Variants in ZNF398 observed in about 807,000 individuals in gnomAD.
The protein encoded by ZNF398 is zinc finger protein 398.
ZNF398 carries 18 observed loss-of-function variants against 41.9 expected under a neutral mutation model. The ratio of observed to expected loss-of-function variants is 0.43; its 90% CI spans 0.30 to 0.64. The LOEUF (loss-of-function observed/expected upper bound fraction) is 0.64, where lower values mean the gene tolerates loss of function less well. Among genes scored for constraint, ZNF398 ranks in the 30% least tolerant of loss-of-function variants. ZNF398 has a pLI of 0.14. For synonymous variants in ZNF398, 260 were observed against 308.8 expected (o/e 0.84, Z 1.66); for missense variants, 669 against 822.8 (o/e 0.81, Z 2.29).
chr7:149,143,709 G>C (rs934487578), upstream of ZNF398, among the ~76,000 whole-genome samples: 1 of 152,140 alleles, frequency 6.6e-6, no homozygotes, highest in African/African-American at 2.4e-5. Context: ...CTACTTGGGA[G>C]GCTGAGGCAG....
In ZNF398 at chr7:149,147,811, A is replaced by C; in HGVS notation, c.24+45A>C. ...AGTGTTGTGAGCCCCCGAGACCCAGACCCCGAGGGAGGAAGGCGGGCGGGC... is the reference window on the plus strand; with the variant it reads ...AGTGTTGTGAGCCCCCGAGACCCAGCCCCCGAGGGAGGAAGGCGGGCGGGC... On this transcript the variant is annotated intron_variant, in intron 1 of 5. Transcript: ENST00000475153. The surrounding 1 kb of genome is among the most constrained non-coding windows in gnomAD (Gnocchi z 5.6). 1 of 1,347,440 alleles carries C rather than the reference A, an allele frequency of 7.4e-7. No homozygotes were observed. The highest frequency in any genetic ancestry group is 9.5e-7 in the Non-Finnish European group (1 of 1,048,274). 83.5% of individuals were successfully genotyped at this position (1,347,440 alleles called of 1,614,324 possible).
chr7:149,151,190 C>T (rs772707178), intron 1 of ZNF398: 42 of 1,173,538 alleles, frequency 3.6e-5, no homozygotes, highest in Non-Finnish European at 3.9e-5. Context: ...AGCAGTTTAC[C>T]TGGTGATTTC....
At chr7:149,161,460 G>A (rs956717216) in intron 2 of ZNF398, among the ~76,000 whole-genome samples, 4 of 152,308 alleles carry the variant, frequency 2.6e-5, no homozygotes, top group African/African-American at 9.6e-5. Flanking sequence ...AGCTACTCAG[G>A]AAGCTGAAAT....
chr7:149,179,423 T>G lies in ZNF398; in HGVS notation c.1551T>G (p.Ser517Arg), dbSNP rs1167962575. ...GERPYPCTDC[S>R]KSFMRKEHLL... The stretch of plus-strand genomic sequence containing the variant: ...GTCCTTACCCCTGCACTGACTGCAG[T>G]AAGAGCTTCATGCGCAAGGAGCACC... The change falls in exon 6 of 6, where the codon AGT (serine) becomes AGG (arginine). Residue 517 changes from serine (S) to arginine (R), a missense_variant. Transcript: ENST00000475153. This position sits in a 1 kb window ranked among gnomAD's most constrained non-coding sequence, Gnocchi z 6.1. 12 of 1,613,810 alleles carry G rather than the reference T, an allele frequency of 7.4e-6. No individual in the cohort carries two copies. Among genetic ancestry groups the G allele is most frequent in the Non-Finnish European group, 1.0e-5 (12 of 1,180,000 alleles).
At chr7:149,154,593 G>T (rs187360333) in intron 2 of ZNF398, among the ~76,000 whole-genome samples, 39 of 145,224 alleles carry the variant, frequency 2.7e-4, no homozygotes, top group African/African-American at 9.5e-4. Context: ...CTGGTAGATG[G>T]ATTTTTTTTC....
intron 2 of ZNF398, among the ~76,000 whole-genome samples, chr7:149,139,499 C>T (rs1302936968): frequency 7.0e-6 from 1 of 142,198 alleles, no homozygotes; most frequent in African/African-American, 2.6e-5. Flanking sequence ...GAGGCGGGCA[C>T]ATCATGACGT....
intron 5 of ZNF398, among the ~76,000 whole-genome samples, chr7:149,176,835 C>T (rs1227500568): frequency 1.3e-5 from 2 of 151,944 alleles, no homozygotes; most frequent in Admixed American, 1.3e-4. Flanking sequence ...ACAGACGAAC[C>T]AAAATTATGG....
intron 2 of ZNF398, 94 bp downstream of exon 2, chr7:149,154,434 T>G: frequency 7.3e-7 from 1 of 1,364,050 alleles, no homozygotes; most frequent in South Asian, 1.5e-5. Context: ...TTTATTTCCT[T>G]TTAAAGTTTC....
At chr7:149,162,891 G>C (rs937704606) in intron 2 of ZNF398, among the ~76,000 whole-genome samples, 5 of 149,516 alleles carry the variant, frequency 3.3e-5, no homozygotes, top group African/African-American at 5.0e-5. Flanking sequence ...ACCCCTGGGT[G>C]GGGGGAGGGG....
chr7:149,169,543 C>G (rs1425838720), intron 4 of ZNF398, among the ~76,000 whole-genome samples: 1 of 152,092 alleles, frequency 6.6e-6, no homozygotes, highest in Non-Finnish European at 1.5e-5. Flanking sequence ...CCTGTGCCTC[C>G]TGGGCCCAAG....
At chr7:149,126,759 G>C (rs567373693) in intron 1 of ZNF398, 93 of 153,894 alleles carry the variant, frequency 6.0e-4, no homozygotes, top group Non-Finnish European at 9.9e-4. Flanking sequence ...GGCCGGGTAG[G>C]TGGTGGGGGG....
At position 149,154,242 on chromosome 7, in the gene ZNF398, C is replaced by A; in HGVS notation, c.322C>A (p.Leu108Met). The part of the protein sequence containing the change: ...VLGTLLQEYG[L>M]LQRRLENLEN... ...GGGAACCCTGCTGCAGGAGTACGGGCTGCTGCAGAGGCGGCTGGAGAACTT... is the reference window on the plus strand; with the variant it reads ...GGGAACCCTGCTGCAGGAGTACGGGATGCTGCAGAGGCGGCTGGAGAACTT... Residue 108 changes from leucine (L) to methionine (M), a missense_variant, in exon 2 of 6, where the codon CTG (leucine) becomes ATG (methionine). Physicochemically the swap from Leu to Met is conservative, Grantham distance 15. Transcript: ENST00000475153. 1 of 1,614,156 alleles carries A rather than the reference C, an allele frequency of 6.2e-7. No individual in the cohort carries two copies. The highest frequency in any genetic ancestry group is 1.1e-5 in the South Asian group (1 of 91,084).
intron 2 of ZNF398, among the ~76,000 whole-genome samples, chr7:149,156,844 A>G (rs943337239): frequency 1.4e-5 from 2 of 143,154 alleles, no homozygotes; most frequent in Non-Finnish European, 3.0e-5. Context: ...CTGGGCAACA[A>G]GAGCGAAACT....
upstream of ZNF398, among the ~76,000 whole-genome samples, chr7:149,142,713 C>T (rs556848992): frequency 6.6e-6 from 1 of 152,148 alleles, no homozygotes; most frequent in Non-Finnish European, 1.5e-5. Flanking sequence ...TATGAAGAAT[C>T]ACGCTTAACT....
chr7:149,146,819 C>A (rs1826954214), upstream of ZNF398, among the ~76,000 whole-genome samples: 1 of 152,174 alleles, frequency 6.6e-6, no homozygotes, highest in Non-Finnish European at 1.5e-5. Context: ...TGCACTCCAG[C>A]CTGGGCGACG....
chr7:149,146,831 A>G (rs1826954627), upstream of ZNF398, among the ~76,000 whole-genome samples: 1 of 152,118 alleles, frequency 6.6e-6, no homozygotes, highest in South Asian at 2.1e-4. Context: ...TGGGCGACGG[A>G]GTGAGACTCC....
At chr7:149,151,791 CT>C (rs753689637) in intron 1 of ZNF398, among the ~76,000 whole-genome samples, 24,003 of 138,942 alleles carry the variant, frequency 0.17, 1,789 homozygotes, top group African/African-American at 0.26. Flanking sequence ...CTTTTTTTTT[CT>C]TTTTTTTTTT....
upstream of ZNF398, among the ~76,000 whole-genome samples, chr7:149,143,165 C>G (rs932862681): frequency 3.5e-5 from 4 of 114,894 alleles, no homozygotes; most frequent in African/African-American, 1.2e-4. Flanking sequence ...AAGAAAATTA[C>G]TGGCGGCAAG....
At chr7:149,139,687 C>G (rs1826782637) in intron 2 of ZNF398, among the ~76,000 whole-genome samples, 1 of 149,484 alleles carries the variant, frequency 6.7e-6, no homozygotes, top group Non-Finnish European at 1.5e-5. Flanking sequence ...CCACTGCACT[C>G]CAGCCTGGCA....
Sources: gnomAD v4.1 joint callset for allele counts (sites outside exome capture counted in the v4.1 genomes callset) on GRCh38, gnomAD v4.1.1 for gene constraint, Gnocchi (gnomAD v3.1) non-coding constraint, MANE v1.5 for transcripts, NCBI Gene and HGNC (gene_info 2026-07-23, HGNC 2026-07-21) for gene names.